CHN2: variants seen among roughly 807,000 people sequenced by gnomAD.
CHN2 encodes the protein beta-chimaerin.
A neutral mutation model predicts 56.3 loss-of-function variants in CHN2; 35 were observed. The ratio of observed to expected loss-of-function variants is 0.62; its 90% CI spans 0.47 to 0.82. CHN2 has a LOEUF of 0.82. CHN2 is among the 40% of genes least tolerant of loss of function. CHN2 has a pLI of 0.00. For missense variants in CHN2, 491 were observed against 580.5 expected (o/e 0.85, Z 1.58); for synonymous variants, 210 against 212.8 (o/e 0.99, Z 0.12).
intron 1 of CHN2, chr7:29,195,241 G>C (rs1783530503): frequency 4.6e-6 from 2 of 433,254 alleles, no homozygotes; most frequent in South Asian, 9.9e-5. Flanking sequence ...GGGTGTTCCG[G>C]GGCTTGGAGT....
chr7:29,226,167 G>C (rs1172246945), intron 1 of CHN2, among the ~76,000 whole-genome samples: 2 of 152,126 alleles, frequency 1.3e-5, no homozygotes, highest in African/African-American at 4.8e-5. Flanking sequence ...TTGATTGCCT[G>C]TAGTGTTACA....
intron 1 of CHN2, among the ~76,000 whole-genome samples, chr7:29,348,447 T>G (rs1797632713): frequency 6.6e-6 from 1 of 152,218 alleles, no homozygotes; most frequent in Non-Finnish European, 1.5e-5. Context: ...ATTACCCATT[T>G]TTTAAAGGTT....
At chr7:29,355,166 T>C (rs1798198221) in intron 2 of CHN2, among the ~76,000 whole-genome samples, 1 of 151,874 alleles carries the variant, frequency 6.6e-6, no homozygotes, top group Non-Finnish European at 1.5e-5. Flanking sequence ...AGACGAGGTT[T>C]CTCCATGTTG....
intron 2 of CHN2, among the ~76,000 whole-genome samples, chr7:29,176,307 G>T (rs1797333520): frequency 6.6e-6 from 1 of 151,940 alleles, no homozygotes; most frequent in Non-Finnish European, 1.5e-5. Context: ...TAAAAATAAA[G>T]TCACATTTAG....
intron 10 of CHN2, among the ~76,000 whole-genome samples, chr7:29,505,379 C>T (rs1477497413): frequency 1.3e-5 from 2 of 152,166 alleles, no homozygotes; most frequent in African/African-American, 2.4e-5. Context: ...TCTGGTACAG[C>T]CAGTCAAGAC....
At chr7:29,303,890 T>C (rs1396075880) in intron 1 of CHN2, among the ~76,000 whole-genome samples, 2 of 152,028 alleles carry the variant, frequency 1.3e-5, no homozygotes, top group Admixed American at 1.3e-4. Context: ...TGAAACCCCA[T>C]CTCTACTAAA....
At chr7:29,366,805 A>C (rs1799201099) in intron 2 of CHN2, among the ~76,000 whole-genome samples, 1 of 152,208 alleles carries the variant, frequency 6.6e-6, no homozygotes, top group Non-Finnish European at 1.5e-5. Context: ...GTCTACACTA[A>C]TTAGGTAAGA....
chr7:29,432,506 G>A (rs1454067894), intron 6 of CHN2, among the ~76,000 whole-genome samples: 2 of 152,114 alleles, frequency 1.3e-5, no homozygotes, highest in East Asian at 1.9e-4. Context: ...AGCTTTTCAA[G>A]GTTGGCCAAT....
chr7:29,189,068 A>G (rs940181930), intron 2 of CHN2, among the ~76,000 whole-genome samples: 2 of 150,386 alleles, frequency 1.3e-5, no homozygotes, highest in African/African-American at 4.9e-5. Context: ...CTCCTGTCTC[A>G]GCCTCCCGAG....
At chr7:29,438,253 T>A (rs968624551) in intron 6 of CHN2, among the ~76,000 whole-genome samples, 6 of 152,242 alleles carry the variant, frequency 3.9e-5, no homozygotes, top group Non-Finnish European at 1.5e-5. Flanking sequence ...ATTTTTTACC[T>A]ATTGAAATAA....
chr7:29,384,145 T>C (rs533107350), intron 3 of CHN2, among the ~76,000 whole-genome samples: 27 of 152,070 alleles, frequency 1.8e-4, no homozygotes, highest in Non-Finnish European at 3.8e-4. Flanking sequence ...GTGTGATGAG[T>C]GTGATGAGTA....
chr7:29,484,889 G>A (rs1787787002), intron 7 of CHN2, among the ~76,000 whole-genome samples: 1 of 152,196 alleles, frequency 6.6e-6, no homozygotes, highest in Non-Finnish European at 1.5e-5. Context: ...GTCTTTAGAT[G>A]TAATCTAATT....
intron 7 of CHN2, 25 bp from the exon 8 acceptor site, chr7:29,495,927 C>T: frequency 6.2e-7 from 1 of 1,605,114 alleles, no homozygotes; most frequent in East Asian, 2.2e-5. Context: ...AGCTTTCTGA[C>T]ATTTTTCTTC....
chr7:29,436,458 AGG>A (rs1355458517), intron 6 of CHN2, among the ~76,000 whole-genome samples: 1 of 152,210 alleles, frequency 6.6e-6, no homozygotes, highest in Non-Finnish European at 1.5e-5. Context: ...GCCAACTTAT[AGG>A]TGCTCAACAA....
At chr7:29,508,033 G>A (rs1378621217) in intron 11 of CHN2, among the ~76,000 whole-genome samples, 1 of 152,098 alleles carries the variant, frequency 6.6e-6, no homozygotes, top group African/African-American at 2.4e-5. Context: ...TGAATAGAGG[G>A]CCAGAATACA....
intron 2 of CHN2, among the ~76,000 whole-genome samples, chr7:29,189,429 T>C (rs1175906105): frequency 6.6e-6 from 1 of 152,082 alleles, no homozygotes; most frequent in Non-Finnish European, 1.5e-5. Context: ...CATAAAGCCA[T>C]AGGAACCCCC....
At chr7:29,443,946 T>C (rs1290193755) in intron 6 of CHN2, among the ~76,000 whole-genome samples, 3 of 152,202 alleles carry the variant, frequency 2.0e-5, no homozygotes, top group Admixed American at 2.0e-4. Flanking sequence ...CTTGAGGAAG[T>C]GTCTACCATT....
rs147839254 is a variant in CHN2, at chr7:29,358,230, T to A, written c.88+3567T>A. On this transcript the variant is annotated intron_variant, in intron 2 of 12. Transcript: ENST00000222792. The stretch of plus-strand genomic sequence containing the variant: ...GCACTAGCCCCAATTATGGCATTAT[T>A]CCTACAAGAAAATTTGTCTTAACCA... Among the ~76,000 whole-genome samples the A allele has an allele frequency of 3.7e-4, 56 of 152,254 alleles. 2 individuals are homozygous for A. In the East Asian group the frequency reaches 0.01, roughly 28 times the overall value.
intron 1 of CHN2, among the ~76,000 whole-genome samples, chr7:29,270,536 C>T (rs1025604422): frequency 6.0e-5 from 9 of 149,622 alleles, no homozygotes; most frequent in African/African-American, 2.2e-4. Flanking sequence ...TGGTGGTGCG[C>T]ACTTGTAATC....
Sources: gnomAD v4.1 joint callset for allele counts (sites outside exome capture counted in the v4.1 genomes callset) on GRCh38, gnomAD v4.1.1 for gene constraint, MANE v1.5 for transcripts, NCBI Gene and HGNC (gene_info 2026-07-23, HGNC 2026-07-21) for gene names.